The following AQP11 variants were observed in gnomAD, a reference collection of about 807,000 sequenced individuals.
The protein encoded by AQP11 is aquaporin-11.
A neutral mutation model predicts 21.1 loss-of-function variants in AQP11; 20 were observed. The observed-to-expected ratio is 0.95, with a 90% CI of 0.67 to 1.38. The LOEUF (loss-of-function observed/expected upper bound fraction) is 1.38. Ranked by LOEUF, AQP11 falls within the 40% of genes most tolerant of loss-of-function variation. AQP11 has a pLI of 0.00. For missense variants in AQP11, 339 were observed against 340.4 expected, an observed-to-expected ratio of 1.00 and a Z score of 0.03; for synonymous variants, 167 against 150.1, an observed-to-expected ratio of 1.11 and a Z score of -0.82.
chr11:77,592,523 C>T (rs1247582280), intron 1 of AQP11, among the ~76,000 whole-genome samples: 1 of 152,124 alleles, frequency 6.6e-6, no homozygotes, highest in Non-Finnish European at 1.5e-5. Flanking sequence ...TTTTTCAATA[C>T]CTATGTTCCT....
At chr11:77,608,486 G>A (rs1321984566) in intron 2 of AQP11, among the ~76,000 whole-genome samples, 1 of 152,098 alleles carries the variant, frequency 6.6e-6, no homozygotes, top group Non-Finnish European at 1.5e-5. Context: ...GGTGGCGGGC[G>A]CCTGTAATCC....
chr11:77,592,206 G>T (rs1321836081), intron 1 of AQP11, among the ~76,000 whole-genome samples: 1 of 152,010 alleles, frequency 6.6e-6, no homozygotes, highest in South Asian at 2.1e-4. Flanking sequence ...GGTTGAGATT[G>T]TGGTGAGCTG....
Position 77,609,458 on chromosome 11 carries a change from C to A in AQP11, c.*81C>A. The A allele has an allele frequency of 1.8e-6, 2 of 1,125,298 alleles. No individual in the cohort carries two copies. Among genetic ancestry groups the A allele is most frequent in the Non-Finnish European group, 2.5e-6 (2 of 786,688 alleles). The allele number at this position is 1,125,298 out of a possible 1,614,324, so 69.7% of individuals were successfully genotyped here. On this transcript the variant is annotated 3_prime_UTR_variant, in exon 3 of 3. Transcript: ENST00000313578. The stretch of plus-strand genomic sequence containing the variant: ...TTTTATCACCTCATATGGAAAACAC[C>A]GGCTGCACTGGATTCATCAGTGTTA...
chr11:77,603,522 C>T lies in AQP11; in HGVS notation c.620-34C>T, dbSNP rs967347384. 6.4e-6 allele frequency: 9 copies of T among 1,401,228 alleles called. No homozygotes were observed. The Admixed American group carries it at 1.3e-4, about 20-fold the overall frequency. 86.8% of individuals were successfully genotyped at this position (1,401,228 alleles called of 1,614,324 possible). ...AGTTACAAGGAAATGGAAGATAAAT[C>T]ATTTGAAATCACTCTGCTTAAAATC... On this transcript the variant is annotated intron_variant, in intron 1 of 2. Coordinates refer to ENST00000313578, the MANE Select transcript of AQP11 (RefSeq NM_173039.3).
chr11:77,598,159 A>G (rs1370189197), intron 1 of AQP11, among the ~76,000 whole-genome samples: 2 of 152,230 alleles, frequency 1.3e-5, no homozygotes, highest in African/African-American at 4.8e-5. Flanking sequence ...GGGAAGACAA[A>G]TATTCCAGTT....
At chr11:77,593,865 A>T (rs1426969633) in intron 1 of AQP11, among the ~76,000 whole-genome samples, 1 of 152,212 alleles carries the variant, frequency 6.6e-6, no homozygotes, top group Non-Finnish European at 1.5e-5. Flanking sequence ...TACACAATTG[A>T]ATATATTCAG....
Position 77,603,565 on chromosome 11 carries a change from T to C in AQP11, c.629T>C (p.Leu210Pro), listed in dbSNP as rs1335150581. 1.9e-6 allele frequency: 3 copies of C among 1,587,572 alleles called. No homozygotes were observed. The highest frequency in any genetic ancestry group is 1.8e-5 in the Admixed American group (1 of 54,680). Residue 210 changes from leucine (L) to proline (P), a missense_variant, in exon 2 of 3, where the codon CTA becomes CCA. Transcript: ENST00000313578. ...ITFLVYAGGS[L>P]TGAVFNPALA... ...TTAAAATCTGTTACAGGAGGAAGTCTAACAGGAGCTGTATTTAATCCAGCT... is the reference window on the plus strand; with the variant it reads ...TTAAAATCTGTTACAGGAGGAAGTCCAACAGGAGCTGTATTTAATCCAGCT...
At chr11:77,605,541 C>T (rs975061332) in intron 2 of AQP11, among the ~76,000 whole-genome samples, 13 of 152,184 alleles carry the variant, frequency 8.5e-5, no homozygotes, top group Admixed American at 4.6e-4. Flanking sequence ...CTCATAGGAA[C>T]GTGAACCTTA....
rs1157882738 is a variant in AQP11 at position 77,590,518 on chromosome 11, C to T, written c.526C>T (p.Leu176Phe). The change falls in exon 1 of 3, where the codon CTC (leucine) becomes TTC (phenylalanine). Residue 176 changes from leucine to phenylalanine, a missense_variant. By Grantham distance (22) the Leu-to-Phe change is conservative. Coordinates refer to ENST00000313578, the MANE Select transcript of AQP11 (RefSeq NM_173039.3). ...CATCACAGAGGCCGTCTGCTCCTTT[C>T]TCTTCCACAGCGCTCTGCTGCACTT... Reference protein sequence around the residue: ...AVITEAVCSFLFHSALLHFQE... With the variant: ...AVITEAVCSFFFHSALLHFQE... The T allele has an allele frequency of 6.2e-7, 1 of 1,614,214 alleles. No individual in the cohort carries two copies.
chr11:77,608,756 A>G (rs1958860688), intron 2 of AQP11, among the ~76,000 whole-genome samples: 1 of 152,250 alleles, frequency 6.6e-6, no homozygotes, highest in Non-Finnish European at 1.5e-5. Flanking sequence ...TGAGATAAAA[A>G]TGAAAAAACT....
intron 1 of AQP11, among the ~76,000 whole-genome samples, chr11:77,600,681 T>C (rs1028818798): frequency 6.6e-6 from 1 of 152,224 alleles, no homozygotes. Flanking sequence ...TTCCTATGAA[T>C]GGACATTTAG....
Position 77,609,446 on chromosome 11 carries a change from T to C in AQP11, c.*69T>C. 1.6e-6 allele frequency: 2 copies of C among 1,252,562 alleles called. No individual in the cohort carries two copies. Among genetic ancestry groups the C allele is most frequent in the South Asian group, 1.5e-5 (1 of 68,834 alleles). The allele number at this position is 1,252,562 out of a possible 1,614,324, so 77.6% of individuals were successfully genotyped here. A position where few individuals can be genotyped will look rare whatever the true frequency, so the allele number is the denominator to read the frequency against. ...ATGTGATAAAGATTTTATCACCTCA[T>C]ATGGAAAACACCGGCTGCACTGGAT... On this transcript the variant is annotated 3_prime_UTR_variant, in exon 3 of 3. Coordinates refer to ENST00000313578, the MANE Select transcript of AQP11 (RefSeq NM_173039.3).
At chr11:77,608,503 C>G (rs2135752935) in intron 2 of AQP11, among the ~76,000 whole-genome samples, 1 of 152,264 alleles carries the variant, frequency 6.6e-6, no homozygotes, top group South Asian at 2.1e-4. Flanking sequence ...ATCCCATCTA[C>G]TCAGGAGGCT....
chr11:77,598,884 AT>A (rs549474081), intron 1 of AQP11, among the ~76,000 whole-genome samples: 5 of 143,862 alleles, frequency 3.5e-5, no homozygotes, highest in South Asian at 4.5e-4. Context: ...CTGGCTAATT[AT>A]TTTTTTTTTG....
At position 77,606,605 on chromosome 11, in the gene AQP11, A is replaced by G. The variant is rs534030804; in HGVS notation, c.737-2693A>G. 2.0e-5 allele frequency among the ~76,000 whole-genome samples: 3 copies of G among 152,334 alleles called. No homozygotes were observed. In the East Asian group the frequency reaches 5.8e-4, roughly 29 times the overall value. ...GGCTGTGTCACCCAGGCTGGAGTGC[A>G]GTGGTGCAATCTTGGCTGCAACCTC... On this transcript the variant is annotated intron_variant, in intron 2 of 2. Transcript: ENST00000313578.
chr11:77,607,989 T>G (rs1958856533), intron 2 of AQP11, among the ~76,000 whole-genome samples: 1 of 152,080 alleles, frequency 6.6e-6, no homozygotes, highest in African/African-American at 2.4e-5. Flanking sequence ...AAGCCTTTGG[T>G]TGCCAACAGA....
intron 2 of AQP11, among the ~76,000 whole-genome samples, chr11:77,608,447 T>C (rs1958858821): frequency 6.6e-6 from 1 of 152,088 alleles, no homozygotes; most frequent in Non-Finnish European, 1.5e-5. Flanking sequence ...ACCCCATCTC[T>C]ACTAAAAATA....
rs371017937 is a variant in AQP11, at chr11:77,603,699, T to G, written c.736+27T>G. Reference sequence around the variant, plus strand: ...TAAGCGTATTTTTATTTAATATGTCTGAAAGATTAGGGTATTTTAAAATAT... The same window carrying G: ...TAAGCGTATTTTTATTTAATATGTCGGAAAGATTAGGGTATTTTAAAATAT... On this transcript the variant is annotated intron_variant, in intron 2 of 2. Transcript: ENST00000313578. 2.0e-6 allele frequency: 3 copies of G among 1,479,168 alleles called. No homozygotes were observed. In the African/African-American group the frequency reaches 4.2e-5, roughly 21 times the overall value. 91.6% of individuals were successfully genotyped at this position (1,479,168 alleles called of 1,614,324 possible). A position where few individuals can be genotyped will look rare whatever the true frequency, so the allele number is the denominator to read the frequency against.
Position 77,610,193 on chromosome 11 carries a change from C to G in AQP11, c.*816C>G, listed in dbSNP as rs1958869197. 6.6e-6 allele frequency: 1 copy of G among 152,126 alleles called. No individual in the cohort carries two copies. The highest frequency in any genetic ancestry group is 2.1e-4 in the South Asian group (1 of 4,828). The allele number at this position is 152,126 out of a possible 1,614,324, so 9.4% of individuals were successfully genotyped here. A position where few individuals can be genotyped will look rare whatever the true frequency, so the allele number is the denominator to read the frequency against. On this transcript the variant is annotated 3_prime_UTR_variant, in exon 3 of 3. Transcript: ENST00000313578. Reference sequence around the variant, plus strand: ...GCTTAGATCACATAGAGCCAAATACCATCTCTAGTCTTCAACTTCAATCCA... The same window carrying G: ...GCTTAGATCACATAGAGCCAAATACGATCTCTAGTCTTCAACTTCAATCCA...
Sources: allele counts gnomAD v4.1 joint callset (sites outside exome capture counted in the v4.1 genomes callset), GRCh38; gene constraint gnomAD v4.1.1; transcripts MANE v1.5; gene names NCBI Gene and HGNC (gene_info 2026-07-23, HGNC 2026-07-21).